The following ARHGEF2 variants were observed in gnomAD, a reference collection of about 807,000 sequenced individuals.
ARHGEF2 encodes rho guanine nucleotide exchange factor 2.
Under a neutral mutation model 121.0 loss-of-function variants are expected in ARHGEF2, and 22 were observed. The ratio of observed to expected loss-of-function variants is 0.18; its 90% CI spans 0.13 to 0.26. ARHGEF2 has a LOEUF of 0.26. Ranked by LOEUF, ARHGEF2 falls within the 10% of genes least tolerant of loss-of-function variation. ARHGEF2 has a pLI of 1.00. For missense variants in ARHGEF2, 907 were observed against 1,336.0 expected (o/e 0.68, Z 5.01); for synonymous variants, 487 against 530.0 (o/e 0.92, Z 1.11).
intron 21 of ARHGEF2, among the ~76,000 whole-genome samples, chr1:155,948,812 C>T (rs746434456): frequency 1.4e-4 from 21 of 152,056 alleles, no homozygotes; most frequent in Non-Finnish European, 2.8e-4. Context: ...TCTGGGTCTC[C>T]GGGTCTCTTT....
intron 13 of ARHGEF2, among the ~76,000 whole-genome samples, chr1:155,956,338 A>T (rs1050143129): frequency 3.3e-5 from 5 of 150,822 alleles, no homozygotes; most frequent in African/African-American, 7.3e-5. Flanking sequence ...ACCTCAAGTG[A>T]TCTACCCGCC....
chr1:155,963,629 C>T (rs1390365363), intron 7 of ARHGEF2, among the ~76,000 whole-genome samples: 2 of 150,668 alleles, frequency 1.3e-5, no homozygotes, highest in Non-Finnish European at 2.9e-5. Context: ...CAGGCATGAG[C>T]CACCACACCC....
chr1:155,951,668 C>T lies in ARHGEF2; in HGVS notation c.2208+73G>A. 1 of 1,610,672 alleles carries T rather than the reference C, an allele frequency of 6.2e-7. No individual in the cohort carries two copies. On this transcript the variant is annotated intron_variant, in intron 18 of 21. Coordinates refer to ENST00000361247, the MANE Select transcript of ARHGEF2 (RefSeq NM_001162383.2). This position sits in a 1 kb window ranked among gnomAD's most constrained non-coding sequence, Gnocchi z 5.1. ...TGTAGACGCTTTCCCCACCCCACTC[C>T]AAACTGGGCTCTAACTACTCAGACT...
chr1:155,977,572 G>A (rs1681521527), intron 1 of ARHGEF2, among the ~76,000 whole-genome samples: 1 of 152,178 alleles, frequency 6.6e-6, no homozygotes, highest in African/African-American at 2.4e-5. Flanking sequence ...GTCAGCCTAA[G>A]GGTTTCAGGT....
chr1:155,965,228 C>A lies in ARHGEF2; in HGVS notation c.580+75G>T, dbSNP rs1458545385. The A allele has an allele frequency of 6.2e-7, 1 of 1,606,978 alleles. No individual in the cohort carries two copies. The highest frequency in any genetic ancestry group is 1.3e-5 in the African/African-American group (1 of 74,784). On this transcript the variant is annotated intron_variant, in intron 6 of 21. Coordinates refer to ENST00000361247, the MANE Select transcript of ARHGEF2 (RefSeq NM_001162383.2). This position sits in a 1 kb window ranked among gnomAD's most constrained non-coding sequence, Gnocchi z 6.0. Reference sequence around the variant, plus strand: ...TCCCTTCCCTCCTTGTCCTTCCAGGCTACTCCCACCAGCCTCTCATCCCCC... The same window carrying A: ...TCCCTTCCCTCCTTGTCCTTCCAGGATACTCCCACCAGCCTCTCATCCCCC...
Position 155,964,976 on chromosome 1 carries a change from G to A in ARHGEF2, c.724+12C>T, listed in dbSNP as rs1679073797. On this transcript the variant is annotated intron_variant, in intron 7 of 21. Transcript: ENST00000361247. ...GTGAAGGAAGAGGAAGACTAGGGTG[G>A]TCTTGGCTTACCATAGATGACATCT... 1 of 1,613,018 alleles carries A rather than the reference G, an allele frequency of 6.2e-7. No homozygotes were observed. The highest frequency in any genetic ancestry group is 1.7e-4 in the Middle Eastern group (1 of 6,058).
upstream of ARHGEF2, chr1:155,978,928 C>G: frequency 2.0e-6 from 2 of 985,890 alleles, no homozygotes; most frequent in Non-Finnish European, 2.4e-6. This position sits in a 1 kb window ranked among gnomAD's most constrained non-coding sequence, Gnocchi z 4.1. Context: ...TCTTTAAAGA[C>G]CCGCAGGCAG....
chr1:155,973,473 C>A (rs938270125), intron 1 of ARHGEF2, among the ~76,000 whole-genome samples: 4 of 152,162 alleles, frequency 2.6e-5, no homozygotes, highest in Non-Finnish European at 5.9e-5. Flanking sequence ...AGGCCGAGCG[C>A]AGTGGCTCAT....
chr1:155,964,431 C>G (rs1302224504), intron 7 of ARHGEF2, among the ~76,000 whole-genome samples: 3 of 151,532 alleles, frequency 2.0e-5, no homozygotes, highest in Non-Finnish European at 4.4e-5. Flanking sequence ...CGAGGCTTCC[C>G]ACAGTCTCCA....
intron 1 of ARHGEF2, among the ~76,000 whole-genome samples, chr1:155,974,442 G>A (rs963403416): frequency 6.6e-6 from 1 of 152,160 alleles, no homozygotes; most frequent in Admixed American, 6.6e-5. Context: ...GAGTCCTGGA[G>A]GAGGAGCTAT....
At chr1:155,957,674 G>T in intron 13 of ARHGEF2, 39 bp downstream of exon 13, 1 of 1,574,520 alleles carries the variant, frequency 6.4e-7, no homozygotes, top group South Asian at 1.2e-5. Context: ...CAGGTACCCT[G>T]AGGTCATAAG....
At position 155,966,873 on chromosome 1, in the gene ARHGEF2, T is replaced by C. The variant is rs1180821811; in HGVS notation, c.223A>G (p.Ile75Val). ...AGGGTGTCTTTACAGCGGTTGTGGATAGTCACATTGCAGGCTGGGAGGGTG... is the reference window on the plus strand; with the variant it reads ...AGGGTGTCTTTACAGCGGTTGTGGACAGTCACATTGCAGGCTGGGAGGGTG... The part of the protein sequence containing the change: ...ALICPTCNVT[I>V]HNRCKDTLAN... The change falls in exon 3 of 22, where the codon ATC becomes GTC. Residue 75 changes from isoleucine (I) to valine (V), a missense_variant. Ile to Val is a conservative substitution (Grantham distance 29). Coordinates refer to ENST00000361247, the MANE Select transcript of ARHGEF2 (RefSeq NM_001162383.2). 3 of 1,613,472 alleles carry C rather than the reference T, an allele frequency of 1.9e-6. No homozygotes were observed. Among genetic ancestry groups the C allele is most frequent in the Non-Finnish European group, 2.5e-6 (3 of 1,179,806 alleles).
In ARHGEF2 at chr1:155,950,265, C is replaced by A. The variant is rs751823448; in HGVS notation, c.2887+34G>T. The A allele has an allele frequency of 7.7e-5, 124 of 1,607,114 alleles. No homozygotes were observed. Among genetic ancestry groups the A allele is most frequent in the Non-Finnish European group, 1.0e-4 (118 of 1,179,058 alleles). ...CAATGGCCTGTACCCAGGCTGCACTCTACCTCTGGTCCATGTCTCCGCCAG... is the reference window on the plus strand; with the variant it reads ...CAATGGCCTGTACCCAGGCTGCACTATACCTCTGGTCCATGTCTCCGCCAG... On this transcript the variant is annotated intron_variant, in intron 21 of 21. Transcript: ENST00000361247. The surrounding 1 kb of genome is among the most constrained non-coding windows in gnomAD (Gnocchi z 5.2).
chr1:155,973,003 A>C lies in ARHGEF2; in HGVS notation c.64-3703T>G, dbSNP rs376512005. Among the ~76,000 whole-genome samples, 171 of 152,072 alleles carry C rather than the reference A, an allele frequency of 1.1e-3. 1 individual carries two copies. Among genetic ancestry groups the C allele is most frequent in the African/African-American group, 4.0e-3 (166 of 41,482 alleles). On this transcript the variant is annotated intron_variant, in intron 1 of 21. Transcript: ENST00000361247. Reference sequence around the variant, plus strand: ...TATAGGTGTGAGCCACCACGCTCAGACCTAGAGTCATTCTGTCTCTTTCTC... The same window carrying C: ...TATAGGTGTGAGCCACCACGCTCAGCCCTAGAGTCATTCTGTCTCTTTCTC...
chr1:155,969,808 G>T, intron 1 of ARHGEF2: 3 of 987,058 alleles, frequency 3.0e-6, no homozygotes, highest in Non-Finnish European at 3.6e-6. Flanking sequence ...GTCACAGTGG[G>T]GGGGGCAGGA....
chr1:155,978,084 A>C lies in ARHGEF2; in HGVS notation c.63+281T>G. On this transcript the variant is annotated intron_variant, in intron 1 of 21. Transcript: ENST00000361247. The surrounding 1 kb of genome is among the most constrained non-coding windows in gnomAD (Gnocchi z 4.1). ...TCCCTTACCGGAGCAACTTTCTTTC[A>C]AGCGGCCTAAAGCACTCGGTCCCGC... The C allele has an allele frequency of 2.6e-6, 3 of 1,175,604 alleles. No homozygotes were observed. Among genetic ancestry groups the C allele is most frequent in the East Asian group, 3.8e-5 (1 of 26,578 alleles). The allele number at this position is 1,175,604 out of a possible 1,614,324, so 72.8% of individuals were successfully genotyped here.
intron 7 of ARHGEF2, 145 bp downstream of exon 7, chr1:155,964,843 A>C (rs1317445934): frequency 1.1e-6 from 1 of 884,336 alleles, no homozygotes; most frequent in Non-Finnish European, 1.7e-6. Flanking sequence ...CAGTGAGCCG[A>C]GATCATGCCA....
chr1:155,959,706 G>T (rs752820549), intron 11 of ARHGEF2, among the ~76,000 whole-genome samples: 4 of 151,860 alleles, frequency 2.6e-5, no homozygotes, highest in African/African-American at 9.7e-5. Flanking sequence ...TGCCATGCCT[G>T]GCTAATTTTT....
intron 2 of ARHGEF2, among the ~76,000 whole-genome samples, chr1:155,967,842 A>C (rs781611333): frequency 6.6e-6 from 1 of 151,890 alleles, no homozygotes; most frequent in South Asian, 2.1e-4. Context: ...CCATCCAACA[A>C]CACCGGAAAC....
Sources: gnomAD v4.1 joint callset for allele counts (sites outside exome capture counted in the v4.1 genomes callset) on GRCh38, gnomAD v4.1.1 for gene constraint, Gnocchi (gnomAD v3.1) non-coding constraint, MANE v1.5 for transcripts, NCBI Gene and HGNC (gene_info 2026-07-23, HGNC 2026-07-21) for gene names.